Variants in ERICH3 observed in about 807,000 individuals in gnomAD.
ERICH3 encodes glutamate-rich protein 3.
ERICH3 carries 126 observed loss-of-function variants against 131.1 expected under a neutral mutation model. That is an observed-to-expected ratio of 0.96 (90% CI 0.83 to 1.11). ERICH3 has a LOEUF of 1.11. ERICH3 is among the 50% of genes most tolerant of loss of function. ERICH3 has a pLI of 0.00. For missense variants in ERICH3, 2,050 were observed against 1,810.7 expected (o/e 1.13, Z -2.40); for synonymous variants, 695 against 644.6 (o/e 1.08, Z -1.18).
At position 74,571,959 on chromosome 1, in the gene ERICH3, A is replaced by G. The variant is rs1646957214; in HGVS notation, c.3751T>C (p.Cys1251Arg). The G allele has an allele frequency of 6.2e-7, 1 of 1,613,642 alleles. No homozygotes were observed. Among genetic ancestry groups the G allele is most frequent in the African/African-American group, 1.3e-5 (1 of 74,928 alleles). ...TCAGCTCTCCCCTCCAGTCCTGCGC[A>G]GGAGTCGTGATCTTTGGCTGCTAGC... is the stretch of plus-strand genomic sequence containing the variant. ...EELAAKDHDS[C>R]AGLEGRAEGQ... Residue 1251 changes from cysteine (C) to arginine (R), a missense_variant, in exon 14 of 15, where the codon TGC becomes CGC. Physicochemically the swap from Cys to Arg is radical, Grantham distance 180. Coordinates refer to ENST00000326665, the MANE Select transcript of ERICH3 (RefSeq NM_001002912.5).
intron 1 of ERICH3, among the ~76,000 whole-genome samples, chr1:74,649,946 T>C (rs1646518328): frequency 6.6e-6 from 1 of 152,090 alleles, no homozygotes; most frequent in Admixed American, 6.6e-5. Context: ...AGTTACTATC[T>C]CATCACATAA....
chr1:74,606,569 C>T, intron 10 of ERICH3, 32 bp downstream of exon 10: 1 of 1,558,600 alleles, frequency 6.4e-7, no homozygotes, highest in Non-Finnish European at 8.7e-7. Context: ...ACAGCCACAG[C>T]TACAACAAAA....
intron 8 of ERICH3, among the ~76,000 whole-genome samples, chr1:74,613,039 T>C (rs1476041735): frequency 1.3e-5 from 2 of 152,198 alleles, no homozygotes. Context: ...AAAGTTCTTG[T>C]ATAAATCTCA....
chr1:74,655,103 A>G (rs953805972), intron 1 of ERICH3, among the ~76,000 whole-genome samples: 1 of 152,202 alleles, frequency 6.6e-6, no homozygotes, highest in Non-Finnish European at 1.5e-5. Flanking sequence ...AATTCAGCTA[A>G]TCTCTTAAAT....
chr1:74,649,175 G>T (rs760661233), intron 2 of ERICH3, 47 bp downstream of exon 2: 4 of 1,324,552 alleles, frequency 3.0e-6, no homozygotes, highest in South Asian at 2.6e-5. Flanking sequence ...GGGAATTATT[G>T]GACTTAATGA....
At position 74,648,002 on chromosome 1, in the gene ERICH3, T is replaced by A. The variant is rs1020778607; in HGVS notation, c.118-1210A>T. On this transcript the variant is annotated intron_variant, in intron 2 of 14. Transcript: ENST00000326665. ...AACTTGACCATGCATCAGAACCACC[T>A]GCAGGGCTTGTTGAAAAACTGATAG... Among the ~76,000 whole-genome samples, 6 of 152,122 alleles carry A rather than the reference T, an allele frequency of 3.9e-5. No homozygotes were observed. The South Asian group carries it at 1.2e-3, about 31-fold the overall frequency.
At chr1:74,641,818 C>A (rs1438458091) in intron 4 of ERICH3, among the ~76,000 whole-genome samples, 1 of 151,980 alleles carries the variant, frequency 6.6e-6, no homozygotes, top group African/African-American at 2.4e-5. Context: ...AAAAAGTGTT[C>A]CATGTTTTAA....
At position 74,571,966 on chromosome 1, in the gene ERICH3, G is replaced by A. The variant is rs770387969; in HGVS notation, c.3744C>T (p.His1248=). 3 of 1,613,802 alleles carry A rather than the reference G, an allele frequency of 1.9e-6. No individual in the cohort carries two copies. The highest frequency in any genetic ancestry group is 2.2e-5 in the East Asian group (1 of 44,854). The change falls in exon 14 of 15, where the codon CAC becomes CAT. Residue 1248 remains histidine, a synonymous_variant. Coordinates refer to ENST00000326665, the MANE Select transcript of ERICH3 (RefSeq NM_001002912.5). Reference sequence around the variant, plus strand: ...TCCCCTCCAGTCCTGCGCAGGAGTCGTGATCTTTGGCTGCTAGCTCCTCTG... The same window carrying A: ...TCCCCTCCAGTCCTGCGCAGGAGTCATGATCTTTGGCTGCTAGCTCCTCTG... ...GQAEELAAKD[H]DSCAGLEGRA...
At chr1:74,577,725 A>G (rs1033850450) in intron 12 of ERICH3, among the ~76,000 whole-genome samples, 2 of 152,182 alleles carry the variant, frequency 1.3e-5, no homozygotes, top group Non-Finnish European at 2.9e-5. Context: ...GCATTAAAAA[A>G]AGAGAGAGAG....
At chr1:74,595,824 T>C (rs1647819831) in intron 11 of ERICH3, among the ~76,000 whole-genome samples, 1 of 152,074 alleles carries the variant, frequency 6.6e-6, no homozygotes, top group African/African-American at 2.4e-5. Flanking sequence ...TGACTATGGA[T>C]TGGGGAATTA....
chr1:74,625,097 G>A (rs1222947837), intron 7 of ERICH3: 1 of 152,004 alleles, frequency 6.6e-6, no homozygotes, highest in African/African-American at 2.4e-5. Flanking sequence ...ACATTATTCT[G>A]GATGGATCCC....
chr1:74,646,600 C>G (rs1239416232), intron 3 of ERICH3, 67 bp downstream of exon 3: 2 of 946,248 alleles, frequency 2.1e-6, no homozygotes, highest in African/African-American at 3.5e-5. Flanking sequence ...AGATTTATAC[C>G]TCCATCTTCA....
At chr1:74,643,188 T>C in intron 3 of ERICH3, 90 bp from the exon 4 acceptor site, 1 of 863,226 alleles carries the variant, frequency 1.2e-6, no homozygotes. Flanking sequence ...GATAACTATA[T>C]TCTCAATTAG....
At chr1:74,573,801 G>A (rs1022180490) in intron 13 of ERICH3, among the ~76,000 whole-genome samples, 1 of 152,020 alleles carries the variant, frequency 6.6e-6, no homozygotes. Flanking sequence ...AAAATCTCAT[G>A]TCCCCATGTC....
At position 74,641,332 on chromosome 1, in the gene ERICH3, A is replaced by T. The variant is rs188417010; in HGVS notation, c.443T>A (p.Leu148Gln). 25 of 1,612,074 alleles carry T rather than the reference A, an allele frequency of 1.6e-5. No homozygotes were observed. In the East Asian group the frequency reaches 4.2e-4, roughly 27 times the overall value. Reference protein sequence around the residue: ...VDEGHSSPLALTAPRPYTAPG... With the variant: ...VDEGHSSPLAQTAPRPYTAPG... ...GACGAAGTGTTTAATATTACTCACC[A>T]GTGCTAACGGACTGGAATGTCCTTC... The change falls in exon 5 of 15, where the codon CTG becomes CAG. Residue 148 changes from leucine to glutamine, a missense_variant and splice_region_variant. By Grantham distance (113) the Leu-to-Gln change is moderately radical. Coordinates refer to ENST00000326665, the MANE Select transcript of ERICH3 (RefSeq NM_001002912.5).
chr1:74,663,058 A>T (rs1646657632), intron 1 of ERICH3, among the ~76,000 whole-genome samples: 1 of 151,870 alleles, frequency 6.6e-6, no homozygotes, highest in Admixed American at 6.6e-5. Flanking sequence ...TCCCCAAATT[A>T]CTCTCTCCAG....
At chr1:74,673,124 C>T (rs1646756889) in intron 1 of ERICH3, among the ~76,000 whole-genome samples, 1 of 152,122 alleles carries the variant, frequency 6.6e-6, no homozygotes, top group Admixed American at 6.5e-5. Context: ...AATCTCCAAA[C>T]GAATTCTTAT....
intron 11 of ERICH3, among the ~76,000 whole-genome samples, chr1:74,590,973 T>TA (rs1255731035): frequency 6.6e-6 from 1 of 152,170 alleles, no homozygotes; most frequent in Non-Finnish European, 1.5e-5. Context: ...AAGCTTTTTT[T>TA]AAAAAAATTT....
intron 7 of ERICH3, chr1:74,624,305 T>C (rs564709246): frequency 2.1e-4 from 32 of 152,284 alleles, no homozygotes; most frequent in African/African-American, 7.5e-4. Context: ...AGCCTGACCA[T>C]AAAAAGTGGC....
Sources: allele counts gnomAD v4.1 joint callset (sites outside exome capture counted in the v4.1 genomes callset), GRCh38; gene constraint gnomAD v4.1.1; transcripts MANE v1.5; gene names NCBI Gene and HGNC (gene_info 2026-07-23, HGNC 2026-07-21).